The following NRXN1 variants were observed in gnomAD, a reference collection of about 807,000 sequenced individuals.
The protein encoded by NRXN1 is neurexin 1.
In NRXN1, 39 loss-of-function variants were observed where a neutral mutation model predicts 150.9. The observed-to-expected ratio is 0.26, with a 90% CI of 0.20 to 0.34. The LOEUF (loss-of-function observed/expected upper bound fraction) is 0.34, where lower values mean the gene tolerates loss of function less well. NRXN1 is among the 10% of genes least tolerant of loss of function. NRXN1 has a pLI of 1.00. For synonymous variants in NRXN1, 924 were observed against 757.0 expected (o/e 1.22, Z -3.62); for missense variants, 1,815 against 1,949.9 (o/e 0.93, Z 1.30).
Position 50,671,990 on chromosome 2 carries a change from A to C in NRXN1, c.833-48375T>G, listed in dbSNP as rs10182698. 3.3e-5 allele frequency among the ~76,000 whole-genome samples: 5 copies of C among 151,568 alleles called. No homozygotes were observed. The East Asian group carries it at 9.7e-4, about 29-fold the overall frequency. On this transcript the variant is annotated intron_variant, in intron 5 of 22. Coordinates refer to ENST00000401669, the MANE Select transcript of NRXN1 (RefSeq NM_001330078.2). ...TTTATTAGTTTTCAACTTTTAAATA[A>C]ACTTTTTAAATATTCAACTTGGTAC... is the stretch of plus-strand genomic sequence containing the variant.
intron 2 of NRXN1, among the ~76,000 whole-genome samples, chr2:50,962,956 G>C (rs1443715719): frequency 6.6e-6 from 1 of 151,614 alleles, no homozygotes; most frequent in East Asian, 1.9e-4. Context: ...AAATGGCTTA[G>C]TCCTGTTGTC....
chr2:50,343,543 T>C (rs1376852004), intron 17 of NRXN1, among the ~76,000 whole-genome samples: 1 of 152,186 alleles, frequency 6.6e-6, no homozygotes, highest in Non-Finnish European at 1.5e-5. Flanking sequence ...AAAAGGACCC[T>C]GCAGTGTTCT....
At chr2:50,547,372 G>T (rs1054640532) in intron 9 of NRXN1, 3 of 152,156 alleles carry the variant, frequency 2.0e-5, no homozygotes, top group African/African-American at 7.2e-5. Context: ...CTTTGACTGA[G>T]CCAGAGTTTA....
chr2:50,512,175 T>C (rs757596946), intron 12 of NRXN1, among the ~76,000 whole-genome samples: 7 of 152,196 alleles, frequency 4.6e-5, no homozygotes, highest in African/African-American at 7.2e-5. Flanking sequence ...TGCAATGTTA[T>C]AGTGAATATC....
At chr2:50,815,514 G>A (rs1386533190) in intron 5 of NRXN1, among the ~76,000 whole-genome samples, 1 of 151,668 alleles carries the variant, frequency 6.6e-6, no homozygotes, top group Admixed American at 6.6e-5. Context: ...AAGAACCCAT[G>A]GTATTTTTTT....
At chr2:49,998,395 TA>T (rs1683341285) in intron 21 of NRXN1, among the ~76,000 whole-genome samples, 1 of 152,216 alleles carries the variant, frequency 6.6e-6, no homozygotes, top group Non-Finnish European at 1.5e-5. Flanking sequence ...AAAATGTGTG[TA>T]ATGAATTCCC....
At chr2:50,692,463 T>C (rs1317303645) in intron 5 of NRXN1, among the ~76,000 whole-genome samples, 1 of 151,634 alleles carries the variant, frequency 6.6e-6, no homozygotes. Context: ...GAAGCTACTC[T>C]GTGGAGATTT....
chr2:50,801,627 C>T (rs1707608990), intron 5 of NRXN1, among the ~76,000 whole-genome samples: 1 of 152,076 alleles, frequency 6.6e-6, no homozygotes, highest in South Asian at 2.1e-4. Flanking sequence ...CAAAAAACTT[C>T]AGCTTTTATA....
At chr2:50,668,253 A>G (rs941387380) in intron 5 of NRXN1, among the ~76,000 whole-genome samples, 3 of 151,960 alleles carry the variant, frequency 2.0e-5, no homozygotes, top group African/African-American at 7.2e-5. Context: ...AAATAGTGAA[A>G]TAAGAGTGAT....
At chr2:50,972,119 G>T (rs538890071) in intron 2 of NRXN1, among the ~76,000 whole-genome samples, 1 of 151,392 alleles carries the variant, frequency 6.6e-6, no homozygotes, top group South Asian at 2.1e-4. Flanking sequence ...GTGAAACAAA[G>T]AATTCTTATT....
chr2:49,957,189 C>G (rs1301566915), intron 21 of NRXN1, among the ~76,000 whole-genome samples: 9 of 152,126 alleles, frequency 5.9e-5, no homozygotes, highest in Non-Finnish European at 5.9e-5. Context: ...CACTTACTAG[C>G]TGTGTAACCC....
intron 17 of NRXN1, among the ~76,000 whole-genome samples, chr2:50,420,640 G>C (rs146439389): frequency 6.6e-6 from 1 of 152,064 alleles, no homozygotes; most frequent in African/African-American, 2.4e-5. Context: ...TCACTTAAAA[G>C]TACCTTAAGG....
intron 17 of NRXN1, among the ~76,000 whole-genome samples, chr2:50,274,475 A>T (rs2070162109): frequency 1.3e-5 from 2 of 152,174 alleles, no homozygotes; most frequent in African/African-American, 4.8e-5. Context: ...TGATGGGTTG[A>T]TGCGTGCAGC....
At chr2:50,935,833 G>C (rs187553062) in intron 2 of NRXN1, among the ~76,000 whole-genome samples, 1 of 151,938 alleles carries the variant, frequency 6.6e-6, no homozygotes, top group Admixed American at 6.6e-5. Context: ...TTCATGTCAA[G>C]AATGAGTAAG....
chr2:50,537,907 T>C (rs756138528), intron 10 of NRXN1, among the ~76,000 whole-genome samples: 1 of 152,178 alleles, frequency 6.6e-6, no homozygotes, highest in South Asian at 2.1e-4. Flanking sequence ...TAGGTATGTA[T>C]AATTCATGCC....
chr2:50,329,653 ATATATATATATATATATATATTTT>A (rs1276739659), intron 17 of NRXN1, among the ~76,000 whole-genome samples: 21 of 13,790 alleles, frequency 1.5e-3, no homozygotes, highest in Non-Finnish European at 1.9e-3. Flanking sequence ...ATATATATAT[ATATATATATATATATATATATTTT>A]TTTTTTTCCC....
intron 17 of NRXN1, among the ~76,000 whole-genome samples, chr2:50,301,981 A>G (rs1191832115): frequency 2.0e-5 from 3 of 152,186 alleles, no homozygotes; most frequent in Admixed American, 6.5e-5. Flanking sequence ...CCTCTCGAGG[A>G]TAAGTCCCAG....
intron 2 of NRXN1, among the ~76,000 whole-genome samples, chr2:50,991,787 A>C (rs970294544): frequency 1.3e-5 from 2 of 152,026 alleles, no homozygotes; most frequent in Non-Finnish European, 2.9e-5. Context: ...AGCTTTTACA[A>C]TACAAGCTAT....
chr2:50,762,378 G>C (rs930360911), intron 5 of NRXN1, among the ~76,000 whole-genome samples: 1 of 151,544 alleles, frequency 6.6e-6, no homozygotes, highest in African/African-American at 2.4e-5. Flanking sequence ...ACATGTAAAG[G>C]TTTGTTACTT....
Sources: allele counts gnomAD v4.1 joint callset (sites outside exome capture counted in the v4.1 genomes callset), GRCh38; gene constraint gnomAD v4.1.1; transcripts MANE v1.5; gene names NCBI Gene and HGNC (gene_info 2026-07-23, HGNC 2026-07-21).